Variants in SENP5 observed in about 807,000 individuals in gnomAD.
The protein encoded by SENP5 is sentrin-specific protease 5.
A neutral mutation model predicts 74.2 loss-of-function variants in SENP5; 21 were observed. The ratio of observed to expected loss-of-function variants is 0.28; its 90% CI spans 0.20 to 0.41. The LOEUF is 0.41. Ranked by LOEUF, SENP5 falls within the 10% of genes least tolerant of loss-of-function variation. The pLI, the probability that SENP5 is intolerant of heterozygous loss-of-function variation, is 1.00. For synonymous variants in SENP5, 311 were observed against 312.7 expected (o/e 0.99, Z 0.06); for missense variants, 717 against 889.1 (o/e 0.81, Z 2.46).
At chr3:196,869,242 C>T (rs1577783500) in intron 1 of SENP5, among the ~76,000 whole-genome samples, 1 of 151,856 alleles carries the variant, frequency 6.6e-6, no homozygotes, top group Non-Finnish European at 1.5e-5. Flanking sequence ...ACTCTGACAC[C>T]CAGCCTGGAG....
chr3:196,925,168 T>TG (rs558097719), intron 7 of SENP5, among the ~76,000 whole-genome samples: 1 of 55,288 alleles, frequency 1.8e-5, no homozygotes, highest in African/African-American at 5.8e-5. Flanking sequence ...TCATTTTGCG[T>TG]TTTTTTTTTT....
chr3:196,928,021 ACT>A, intron 8 of SENP5, 142 bp downstream of exon 8: 2 of 552,398 alleles, frequency 3.6e-6, no homozygotes, highest in Non-Finnish European at 3.2e-6. Context: ...CTGAGAATGA[ACT>A]TCAGTTGACT....
At chr3:196,914,589 ATATATAT>A (rs1715291484) in intron 6 of SENP5, 2 of 105,824 alleles carry the variant, frequency 1.9e-5, no homozygotes, top group Non-Finnish European at 3.9e-5. Flanking sequence ...AAAAAAAAAT[ATATATAT>A]ATATATATAT....
intron 1 of SENP5, among the ~76,000 whole-genome samples, chr3:196,875,076 C>T (rs1462920321): frequency 6.6e-6 from 1 of 152,170 alleles, no homozygotes; most frequent in African/African-American, 2.4e-5. Flanking sequence ...ACTTGGACTT[C>T]TAATGGTCAT....
intron 1 of SENP5, among the ~76,000 whole-genome samples, chr3:196,872,053 A>G (rs4916566): frequency 0.22 from 33,885 of 152,082 alleles, 3,903 homozygotes; most frequent in African/African-American, 0.28. Flanking sequence ...CTTGGCCGAT[A>G]TAACTTTTTC....
chr3:196,915,943 C>T (rs981674208), intron 6 of SENP5, among the ~76,000 whole-genome samples: 1 of 152,096 alleles, frequency 6.6e-6, no homozygotes. Context: ...TCAAGAAGGA[C>T]AGATAAAAAC....
intron 1 of SENP5, among the ~76,000 whole-genome samples, chr3:196,884,885 G>A (rs149916934): frequency 2.0e-4 from 30 of 152,138 alleles, no homozygotes; most frequent in African/African-American, 7.0e-4. Flanking sequence ...GAGCCACTGC[G>A]CCTGGTCGAA....
At chr3:196,907,702 G>A (rs777363708) in intron 6 of SENP5, among the ~76,000 whole-genome samples, 114 of 152,182 alleles carry the variant, frequency 7.5e-4, no homozygotes, top group Non-Finnish European at 1.5e-3. Flanking sequence ...GAGTTGTCTT[G>A]GGCCACACAT....
chr3:196,909,456 A>C (rs1292728851), intron 6 of SENP5, among the ~76,000 whole-genome samples: 5 of 152,166 alleles, frequency 3.3e-5, no homozygotes, highest in African/African-American at 4.8e-5. Flanking sequence ...CAGAGACACA[A>C]AAAAAGAAAA....
chr3:196,886,812 A>AG (rs150375675), intron 2 of SENP5, 118 bp downstream of exon 2: 181,188 of 735,112 alleles, frequency 0.25, 26,290 homozygotes, highest in South Asian at 0.38. Context: ...TAAACCAGTT[A>AG]GTCTGCTTGA....
chr3:196,901,132 A>G (rs201108877), intron 5 of SENP5, among the ~76,000 whole-genome samples: 1 of 142,586 alleles, frequency 7.0e-6, no homozygotes, highest in Non-Finnish European at 1.5e-5. Flanking sequence ...TGCAACCTCC[A>G]CCTCCTGGGT....
chr3:196,904,027 G>C (rs57957317), intron 6 of SENP5, among the ~76,000 whole-genome samples: 82 of 152,350 alleles, frequency 5.4e-4, no homozygotes, highest in African/African-American at 1.9e-3. Context: ...CTCTTAAAAT[G>C]TTAACTGATC....
chr3:196,901,180 G>A (rs1714688303), intron 5 of SENP5, among the ~76,000 whole-genome samples: 1 of 151,410 alleles, frequency 6.6e-6, no homozygotes, highest in African/African-American at 2.4e-5. Flanking sequence ...CAAGTAGCTG[G>A]GATTACAGGT....
Position 196,900,004 on chromosome 3 carries a change from A to G in SENP5, c.1700A>G (p.His567Arg). 6.2e-7 allele frequency: 1 copy of G among 1,614,142 alleles called. No individual in the cohort carries two copies. The highest frequency in any genetic ancestry group is 8.5e-7 in the Non-Finnish European group (1 of 1,180,010). The change falls in exon 4 of 10, where the codon CAC becomes CGC. Residue 567 changes from histidine to arginine, a missense_variant. His to Arg is a conservative substitution (Grantham distance 29, BLOSUM62 0). Coordinates refer to ENST00000323460, the MANE Select transcript of SENP5 (RefSeq NM_152699.5). ...AACTTCCGTATCTTCTATAATAAAC[A>G]CATGCTGGATATGGACGACCTGGCG... ...KCNFRIFYNKHMLDMDDLATL... is the reference protein window; with the variant it reads ...KCNFRIFYNKRMLDMDDLATL...
At chr3:196,896,608 A>G (rs1033769624) in intron 2 of SENP5, among the ~76,000 whole-genome samples, 6 of 152,174 alleles carry the variant, frequency 3.9e-5, no homozygotes, top group Admixed American at 1.3e-4. Flanking sequence ...GCACGCTAAC[A>G]TGCCCGGCTA....
At chr3:196,909,717 C>T (rs1355014689) in intron 6 of SENP5, among the ~76,000 whole-genome samples, 1 of 152,172 alleles carries the variant, frequency 6.6e-6, no homozygotes, top group Admixed American at 6.6e-5. Flanking sequence ...AGCATCCCTT[C>T]ATTTAAAAAC....
intron 6 of SENP5, among the ~76,000 whole-genome samples, chr3:196,919,505 C>T (rs767820971): frequency 6.6e-6 from 1 of 151,846 alleles, no homozygotes; most frequent in African/African-American, 2.4e-5. Context: ...AACAAAGAAA[C>T]GTGACCAACC....
At chr3:196,882,730 CT>C (rs1297481524) in intron 1 of SENP5, among the ~76,000 whole-genome samples, 1 of 152,164 alleles carries the variant, frequency 6.6e-6, no homozygotes, top group Admixed American at 6.6e-5. Context: ...TCTCGAACTC[CT>C]GACCTCAAGT....
In SENP5 at chr3:196,885,193, G is replaced by C; in HGVS notation, c.12G>C (p.Gln4His). ...TATGCATCAGAAAAATGAAAAAACA[G>C]AGGAAAATTCTATGGAGGAAAGGAA... MKK[Q>H]RKILWRKGIH... Residue 4 changes from glutamine to histidine, a missense_variant, in exon 2 of 10, where the codon CAG (glutamine) becomes CAC (histidine). Physicochemically the swap from Gln to His is conservative, Grantham distance 24. Around this residue, in one of 4 missense-constraint regions of SENP5, gnomAD observed 567 missense variants for 577.4 expected, o/e 0.98. Coordinates refer to ENST00000323460, the MANE Select transcript of SENP5 (RefSeq NM_152699.5). 1 of 1,609,278 alleles carries C rather than the reference G, an allele frequency of 6.2e-7. No individual in the cohort carries two copies. Among genetic ancestry groups the C allele is most frequent in the South Asian group, 1.1e-5 (1 of 90,138 alleles).
Sources: gnomAD v4.1 joint callset for allele counts (sites outside exome capture counted in the v4.1 genomes callset) on GRCh38, gnomAD v4.1.1 for gene constraint, gnomAD v4.1.1 regional missense constraint, MANE v1.5 for transcripts, NCBI Gene and HGNC (gene_info 2026-07-23, HGNC 2026-07-21) for gene names.